Variants in TRIM22 observed in about 807,000 individuals in gnomAD.
TRIM22 encodes tripartite motif containing 22.
Under a neutral mutation model 53.6 loss-of-function variants are expected in TRIM22, and 45 were observed. The ratio of observed to expected loss-of-function variants is 0.84; its 90% CI spans 0.66 to 1.08. The LOEUF is 1.08. Among genes scored for constraint, TRIM22 ranks in the 50% least tolerant of loss-of-function variants. TRIM22 has a pLI of 0.00. For missense variants in TRIM22, 616 were observed against 590.9 expected (o/e 1.04, Z -0.44); for synonymous variants, 225 against 216.6 (o/e 1.04, Z -0.34).
At chr11:5,707,962 C>T (rs1237180277) in intron 5 of TRIM22, among the ~76,000 whole-genome samples, 2 of 152,096 alleles carry the variant, frequency 1.3e-5, no homozygotes, top group Non-Finnish European at 2.9e-5. Context: ...CAAGATTACA[C>T]AGAGGGGAAG....
At chr11:5,692,852 G>A (rs948104871) in intron 1 of TRIM22, among the ~76,000 whole-genome samples, 16 of 146,074 alleles carry the variant, frequency 1.1e-4, no homozygotes, top group Non-Finnish European at 2.0e-4. Flanking sequence ...TCCTTATTGT[G>A]TAGCCACACT....
At chr11:5,696,942 A>ACCACCGAGATCT in intron 2 of TRIM22, 1 of 509,378 alleles carries the variant, frequency 2.0e-6, no homozygotes, top group Non-Finnish European at 3.5e-6. Flanking sequence ...TATTTTTGGG[A>ACCACCGAGATCT]ACACGTCTGG....
chr11:5,706,199 T>C (rs34818142), intron 4 of TRIM22, among the ~76,000 whole-genome samples: 14,143 of 152,230 alleles, frequency 0.093, 705 homozygotes, highest in Middle Eastern at 0.15. Context: ...CTTGAGATAC[T>C]TGAAGCATCT....
rs1381339153 is a variant in TRIM22, at chr11:5,709,303, T to A, written c.1152T>A (p.Ser384=). The A allele has an allele frequency of 2.5e-6, 4 of 1,614,052 alleles. No homozygotes were observed. The highest frequency in any genetic ancestry group is 3.4e-6 in the Non-Finnish European group (4 of 1,180,004). Residue 384 remains serine, a synonymous_variant, in exon 8 of 8, where the codon TCT becomes TCA. Coordinates refer to ENST00000379965, the MANE Select transcript of TRIM22 (RefSeq NM_006074.5). ...GTAGTCTGAATAAAAGGAAGAGCTC[T>A]GGGTTTGCTTTTGATCCAAGTGTAA... The part of the protein sequence containing the change: ...KISSLNKRKS[S]GFAFDPSVNY...
At chr11:5,698,199 C>A in intron 3 of TRIM22, 116 bp from the exon 4 acceptor site, 2 of 806,856 alleles carry the variant, frequency 2.5e-6, no homozygotes. Flanking sequence ...GCTTTTGCCT[C>A]CTATTCCTTT....
At position 5,697,176 on chromosome 11, in the gene TRIM22, C is replaced by A. The variant is rs117404589; in HGVS notation, c.424-72C>A. ...GTTTCTTCTGAGAGCCATCCAATTT[C>A]TTCCTTGCTGTCCTCTATTCAGGTG... On this transcript the variant is annotated intron_variant, in intron 2 of 7. Coordinates refer to ENST00000379965, the MANE Select transcript of TRIM22 (RefSeq NM_006074.5). The A allele has an allele frequency of 3.2e-4, 385 of 1,195,056 alleles. 2 individuals carry two copies. The East Asian group carries it at 9.2e-3, about 29-fold the overall frequency. The allele number at this position is 1,195,056 out of a possible 1,614,324, so 74.0% of individuals were successfully genotyped here.
At chr11:5,698,039 T>G in intron 3 of TRIM22, 1 of 352,302 alleles carries the variant, frequency 2.8e-6, no homozygotes, top group Admixed American at 3.8e-5. Flanking sequence ...GGCAAAGTTG[T>G]TCAGGACAGG....
At chr11:5,690,928 T>A (rs755199187) in intron 1 of TRIM22, 1 of 152,190 alleles carries the variant, frequency 6.6e-6, no homozygotes, top group Non-Finnish European at 1.5e-5. Flanking sequence ...CTTTTGAAGG[T>A]TATCCTTTTA....
intron 1 of TRIM22, among the ~76,000 whole-genome samples, chr11:5,694,200 C>CT (rs1229579367): frequency 5.3e-5 from 8 of 152,222 alleles, no homozygotes; most frequent in African/African-American, 1.9e-4. Context: ...ACAGGACAGA[C>CT]TTTATCTCTC....
At chr11:5,698,047 A>C in intron 3 of TRIM22, 1 of 388,546 alleles carries the variant, frequency 2.6e-6, no homozygotes, top group Non-Finnish European at 4.9e-6. Flanking sequence ...TGTTCAGGAC[A>C]GGTGTCTACA....
rs978275059 is a variant in TRIM22, at chr11:5,689,919, G to T, written c.-67+20G>T. On this transcript the variant is annotated intron_variant, in intron 1 of 7. Transcript: ENST00000379965. Reference sequence around the variant, plus strand: ...CTGAAGGTGAGTGGAGCAATCTGTGGGAGCATAGAATGGGAGGCTTTGAGA... The same window carrying T: ...CTGAAGGTGAGTGGAGCAATCTGTGTGAGCATAGAATGGGAGGCTTTGAGA... 2.6e-5 allele frequency: 4 copies of T among 152,274 alleles called. No homozygotes were observed. Among genetic ancestry groups the T allele is most frequent in the Admixed American group, 2.6e-4 (4 of 15,276 alleles). 9.4% of individuals were successfully genotyped at this position (152,274 alleles called of 1,614,324 possible). A position where few individuals can be genotyped will look rare whatever the true frequency, so the allele number is the denominator to read the frequency against.
intron 4 of TRIM22, among the ~76,000 whole-genome samples, chr11:5,701,281 A>G (rs924125369): frequency 1.8e-4 from 28 of 152,200 alleles, no homozygotes. Context: ...GAATTTTAAT[A>G]ATTTCCTTCT....
chr11:5,696,535 A>C lies in TRIM22; in HGVS notation c.303A>C (p.Gly101=). The change falls in exon 2 of 8, where the codon GGA becomes GGC. Residue 101 remains glycine (G), a synonymous_variant. Coordinates refer to ENST00000379965, the MANE Select transcript of TRIM22 (RefSeq NM_006074.5). ...AGAGAGATGTCTGTGAGCACCATGGAAAAAAACTCCAGATCTTCTGTAAGG... is the reference window on the plus strand; with the variant it reads ...AGAGAGATGTCTGTGAGCACCATGGCAAAAAACTCCAGATCTTCTGTAAGG... ...GQKRDVCEHH[G]KKLQIFCKED... The C allele has an allele frequency of 6.2e-7, 1 of 1,613,930 alleles. No homozygotes were observed. Among genetic ancestry groups the C allele is most frequent in the South Asian group, 1.1e-5 (1 of 91,074 alleles).
At chr11:5,707,812 AAAACAAACAAAC>A (rs35942918) in intron 5 of TRIM22, among the ~76,000 whole-genome samples, 2 of 151,712 alleles carry the variant, frequency 1.3e-5, no homozygotes, top group Non-Finnish European at 2.9e-5. Flanking sequence ...ACCCCATCTC[AAAACAAACAAAC>A]AAACAAACAA....
rs1264417500 is a variant in TRIM22 at position 5,696,463 on chromosome 11, A to T, written c.231A>T (p.Ile77=). The change falls in exon 2 of 8, where the codon ATA becomes ATT. Residue 77 remains isoleucine (I), a synonymous_variant. Coordinates refer to ENST00000379965, the MANE Select transcript of TRIM22 (RefSeq NM_006074.5). ...GACCTAATCGGCATCTGGCCAACAT[A>T]GTTGAGAGAGTCAAAGAGGTCAAGA... is the stretch of plus-strand genomic sequence containing the variant. ...NLRPNRHLAN[I]VERVKEVKMS... The T allele has an allele frequency of 6.2e-7, 1 of 1,614,280 alleles. No homozygotes were observed. Among genetic ancestry groups the T allele is most frequent in the South Asian group, 1.1e-5 (1 of 91,088 alleles).
chr11:5,698,572 T>G lies in TRIM22; in HGVS notation c.750+27T>G, dbSNP rs768268029. 8 of 1,570,274 alleles carry G rather than the reference T, an allele frequency of 5.1e-6. No individual in the cohort carries two copies. In the East Asian group the frequency reaches 1.8e-4, roughly 36 times the overall value. ...TAAGACTTGGGATGGAGCACCTACG[T>G]AAGAGATTAGGGGAAAAACACAGAG... On this transcript the variant is annotated intron_variant, in intron 4 of 7. Transcript: ENST00000379965.
intron 1 of TRIM22, among the ~76,000 whole-genome samples, chr11:5,694,347 C>T (rs1484253623): frequency 1.3e-5 from 2 of 152,196 alleles, no homozygotes; most frequent in Non-Finnish European, 2.9e-5. Context: ...CTCTTTTCCT[C>T]TTCCCAAAAT....
intron 4 of TRIM22, among the ~76,000 whole-genome samples, chr11:5,705,354 A>G (rs1853443057): frequency 6.6e-6 from 1 of 152,216 alleles, no homozygotes; most frequent in Admixed American, 6.5e-5. Flanking sequence ...ATAAGTCAAT[A>G]TAATAGGTAT....
In TRIM22 at chr11:5,702,146, G is replaced by T. The variant is rs1029026285; in HGVS notation, c.750+3601G>T. 2.4e-4 allele frequency among the ~76,000 whole-genome samples: 34 copies of T among 140,890 alleles called. No homozygotes were observed. The South Asian group carries it at 4.2e-3, about 17-fold the overall frequency. The allele number at this position is 140,890 out of a possible 152,430, so 92.4% of individuals were successfully genotyped here. ...TAGTTATATATTACATATACATAACGAATATATATTAGTTATATATTACAT... is the reference window on the plus strand; with the variant it reads ...TAGTTATATATTACATATACATAACTAATATATATTAGTTATATATTACAT... On this transcript the variant is annotated intron_variant, in intron 4 of 7. Transcript: ENST00000379965.
Sources: gnomAD v4.1 joint callset for allele counts (sites outside exome capture counted in the v4.1 genomes callset) on GRCh38, gnomAD v4.1.1 for gene constraint, MANE v1.5 for transcripts, NCBI Gene and HGNC (gene_info 2026-07-23, HGNC 2026-07-21) for gene names.